Variants in ASB5 observed in about 807,000 individuals in gnomAD.
ASB5 encodes ankyrin repeat and SOCS box protein 5.
Under a neutral mutation model 42.1 loss-of-function variants are expected in ASB5, and 45 were observed. That is an observed-to-expected ratio of 1.07 (90% CI 0.84 to 1.37). The LOEUF is 1.37. ASB5 is among the 40% of genes most tolerant of loss of function. The probability of loss-of-function intolerance (pLI) is 0.00; values close to 1 mark genes in which losing one functional copy is unlikely to be tolerated. For synonymous variants in ASB5, 147 were observed against 150.6 expected (o/e 0.98, Z 0.18); for missense variants, 402 against 399.8 (o/e 1.01, Z -0.05).
At chr4:176,226,830 G>T (rs528987608) in intron 1 of ASB5, among the ~76,000 whole-genome samples, 5 of 152,342 alleles carry the variant, frequency 3.3e-5, no homozygotes, top group South Asian at 4.1e-4. Context: ...GGGCTCTGCG[G>T]TGTAGGGGCT....
intron 1 of ASB5, among the ~76,000 whole-genome samples, chr4:176,260,142 A>G (rs1754229708): frequency 6.6e-6 from 1 of 152,202 alleles, no homozygotes; most frequent in South Asian, 2.1e-4. Context: ...TTCTTTGAAG[A>G]AAAAATTATT....
chr4:176,255,348 A>C (rs756422690), intron 1 of ASB5, among the ~76,000 whole-genome samples: 11 of 152,258 alleles, frequency 7.2e-5, no homozygotes, highest in Non-Finnish European at 1.5e-4. Flanking sequence ...CATTCAACCT[A>C]GCAATCCCAT....
intron 1 of ASB5, among the ~76,000 whole-genome samples, chr4:176,241,947 A>G (rs1259662604): frequency 6.6e-6 from 1 of 152,130 alleles, no homozygotes; most frequent in Non-Finnish European, 1.5e-5. Context: ...TGACCTAAGG[A>G]GAAAAGGGTG....
At chr4:176,244,676 G>A (rs936220235) in intron 1 of ASB5, among the ~76,000 whole-genome samples, 4 of 152,258 alleles carry the variant, frequency 2.6e-5, no homozygotes, top group Admixed American at 1.3e-4. Flanking sequence ...TTTGAAGACC[G>A]AGGAGGTGGG....
At chr4:176,241,970 A>G (rs1197089791) in intron 1 of ASB5, among the ~76,000 whole-genome samples, 1 of 152,166 alleles carries the variant, frequency 6.6e-6, no homozygotes, top group East Asian at 1.9e-4. Flanking sequence ...CTTCACCACA[A>G]AACTGCACAT....
chr4:176,271,945 A>G (rs1754475798), upstream of ASB5, among the ~76,000 whole-genome samples: 1 of 152,154 alleles, frequency 6.6e-6, no homozygotes, highest in Non-Finnish European at 1.5e-5. Flanking sequence ...AGACAGAGTC[A>G]CACAGATTCA....
At chr4:176,236,165 TA>T (rs1278413579) in intron 1 of ASB5, among the ~76,000 whole-genome samples, 1 of 133,516 alleles carries the variant, frequency 7.5e-6, no homozygotes, top group Non-Finnish European at 1.7e-5. Context: ...TTAGTTTACT[TA>T]ATTTTTTTTT....
chr4:176,241,332 TA>T, intron 1 of ASB5: 2 of 731,292 alleles, frequency 2.7e-6, no homozygotes, highest in Admixed American at 3.4e-5. Flanking sequence ...AACGTCATTT[TA>T]AAAGTGTAAG....
upstream of ASB5, among the ~76,000 whole-genome samples, chr4:176,273,960 A>T (rs985202257): frequency 2.6e-5 from 4 of 152,298 alleles, no homozygotes; most frequent in African/African-American, 9.6e-5. Context: ...ATCTTGCCCA[A>T]CCTAAGTCCA....
chr4:176,257,654 T>G (rs1560819822), intron 1 of ASB5, among the ~76,000 whole-genome samples: 1 of 152,160 alleles, frequency 6.6e-6, no homozygotes, highest in African/African-American at 2.4e-5. Flanking sequence ...TTTAAAATAG[T>G]TATAGTTCTC....
chr4:176,271,056 T>A (rs1010887749), upstream of ASB5, among the ~76,000 whole-genome samples: 5 of 152,230 alleles, frequency 3.3e-5, no homozygotes, highest in Admixed American at 6.5e-5. Flanking sequence ...TCACTAAGGC[T>A]GGAATCATCG....
At chr4:176,223,916 TG>T (rs1306774647) in intron 2 of ASB5, among the ~76,000 whole-genome samples, 4 of 152,196 alleles carry the variant, frequency 2.6e-5, no homozygotes, top group African/African-American at 9.7e-5. Flanking sequence ...CTTTAGAATT[TG>T]TTGACCCCTT....
intron 1 of ASB5, among the ~76,000 whole-genome samples, chr4:176,232,185 C>T (rs1294120231): frequency 2.0e-5 from 3 of 149,950 alleles, no homozygotes; most frequent in Non-Finnish European, 4.4e-5. Context: ...TGCAATGGTG[C>T]GATCTCGGCT....
At chr4:176,265,824 C>T (rs953847766) in intron 1 of ASB5, among the ~76,000 whole-genome samples, 1 of 152,074 alleles carries the variant, frequency 6.6e-6, no homozygotes, top group African/African-American at 2.4e-5. Context: ...ATAGACTAGG[C>T]CTCTGATACA....
At chr4:176,277,075 T>C (rs1279902370) in intron 1 of ASB5, among the ~76,000 whole-genome samples, 3 of 152,336 alleles carry the variant, frequency 2.0e-5, no homozygotes, top group East Asian at 3.9e-4. Context: ...AAAATAGTTA[T>C]GTTACAGGCC....
chr4:176,215,200 G>T lies in ASB5; in HGVS notation c.*400C>A, dbSNP rs1752934350. The T allele has an allele frequency of 6.5e-6, 1 of 153,414 alleles. No individual in the cohort carries two copies. Among genetic ancestry groups the T allele is most frequent in the African/African-American group, 2.4e-5 (1 of 41,440 alleles). The allele number at this position is 153,414 out of a possible 1,614,324, so 9.5% of individuals were successfully genotyped here. A position where few individuals can be genotyped will look rare whatever the true frequency, so the allele number is the denominator to read the frequency against. ...TATTTTATGTCAATATCAGTAACAA[G>T]TTAGCCAATTACAATAGCCAAAATT... On this transcript the variant is annotated 3_prime_UTR_variant, in exon 7 of 7. Coordinates refer to ENST00000296525, the MANE Select transcript of ASB5 (RefSeq NM_080874.4).
chr4:176,241,515 T>C (rs1163958272), intron 1 of ASB5: 1 of 1,535,382 alleles, frequency 6.5e-7, no homozygotes, highest in East Asian at 2.4e-5. Context: ...GGGGCCATTA[T>C]TCAGTTCTCA....
Position 176,221,285 on chromosome 4 carries a change from G to T in ASB5, c.540C>A (p.His180Gln), listed in dbSNP as rs1561252179. The T allele has an allele frequency of 1.2e-6, 2 of 1,613,910 alleles. No homozygotes were observed. The highest frequency in any genetic ancestry group is 1.7e-6 in the Non-Finnish European group (2 of 1,179,936). Residue 180 changes from histidine (H) to glutamine (Q), a missense_variant, in exon 5 of 7, where the codon CAC (histidine) becomes CAA (glutamine). His to Gln is a conservative substitution (Grantham distance 24). Coordinates refer to ENST00000296525, the MANE Select transcript of ASB5 (RefSeq NM_080874.4). ...SPTHEAASKG[H>Q]HECLDILISW... is the part of the protein sequence containing the mutation. ...ATATCAGGATGTCAAGACATTCATG[G>T]TGACCTGCCAACACAAAGTAGAGGA...
intron 5 of ASB5, among the ~76,000 whole-genome samples, chr4:176,218,431 G>A (rs1369251960): frequency 8.4e-6 from 1 of 119,070 alleles, no homozygotes; most frequent in African/African-American, 3.5e-5. Flanking sequence ...ATATTTGTAT[G>A]ATATATAAAT....
Sources: gnomAD v4.1 joint callset for allele counts (sites outside exome capture counted in the v4.1 genomes callset) on GRCh38, gnomAD v4.1.1 for gene constraint, MANE v1.5 for transcripts, NCBI Gene and HGNC (gene_info 2026-07-23, HGNC 2026-07-21) for gene names.